The following ALDH1L1 variants were observed in gnomAD, a reference collection of about 807,000 sequenced individuals.
The protein encoded by ALDH1L1 is aldehyde dehydrogenase 1 family member L1.
A neutral mutation model predicts 101.1 loss-of-function variants in ALDH1L1; 68 were observed. The ratio of observed to expected loss-of-function variants is 0.67; its 90% CI spans 0.55 to 0.82. ALDH1L1 has a LOEUF of 0.82. Ranked by LOEUF, ALDH1L1 falls within the 40% of genes least tolerant of loss-of-function variation. ALDH1L1 has a pLI of 0.00. For synonymous variants in ALDH1L1, 486 were observed against 470.8 expected (o/e 1.03, Z -0.42); for missense variants, 1,087 against 1,172.7 (o/e 0.93, Z 1.07).
At chr3:126,184,844 C>T (rs376867659), upstream of ALDH1L1, among the ~76,000 whole-genome samples, 4 of 152,126 alleles carry the variant, frequency 2.6e-5, no homozygotes, top group Admixed American at 2.0e-4. Flanking sequence ...GAAATCAAAG[C>T]GGGGAGGCCA....
exon 1 of ALDH1L1, chr3:126,197,945 C>CAA (rs3047863): frequency 0.093 from 13,276 of 142,506 alleles, 773 homozygotes; most frequent in East Asian, 0.19. Flanking sequence ...AATTTATAGA[C>CAA]AAAAAAAAAA....
chr3:126,179,015 G>A (rs1274984338), intron 1 of ALDH1L1, among the ~76,000 whole-genome samples: 1 of 152,162 alleles, frequency 6.6e-6, no homozygotes, highest in East Asian at 1.9e-4. Flanking sequence ...AGGGGCTGTT[G>A]TCACAGTCCA....
At chr3:126,178,102 C>T (rs1401592375) in intron 1 of ALDH1L1, among the ~76,000 whole-genome samples, 3 of 151,790 alleles carry the variant, frequency 2.0e-5, no homozygotes, top group Non-Finnish European at 2.9e-5. Context: ...ATAGGGGAGG[C>T]CAGGCCTAGT....
At chr3:126,147,161 T>C (rs1308723752) in intron 8 of ALDH1L1, among the ~76,000 whole-genome samples, 1 of 152,190 alleles carries the variant, frequency 6.6e-6, no homozygotes, top group Non-Finnish European at 1.5e-5. Context: ...GCTGTCCTCA[T>C]GCCCACCTCA....
intron 14 of ALDH1L1, chr3:126,130,010 C>T: frequency 2.4e-6 from 1 of 420,666 alleles, no homozygotes; most frequent in Admixed American, 4.4e-5. Context: ...CACCGTGGAC[C>T]TGACTGATCC....
chr3:126,161,370 A>G (rs1395429618), intron 1 of ALDH1L1, among the ~76,000 whole-genome samples: 1 of 152,238 alleles, frequency 6.6e-6, no homozygotes, highest in Non-Finnish European at 1.5e-5. Flanking sequence ...GGCCTTGGTC[A>G]AGTCACACTT....
intron 20 of ALDH1L1, 88 bp from the exon 21 acceptor site, chr3:126,107,334 G>T: frequency 1.9e-6 from 2 of 1,060,536 alleles, no homozygotes; most frequent in Non-Finnish European, 2.9e-6. Context: ...GGCCACACCA[G>T]CCACCTGCGG....
chr3:126,157,262 C>G (rs1576470171), intron 4 of ALDH1L1, 81 bp downstream of exon 4: 1 of 1,483,888 alleles, frequency 6.7e-7, no homozygotes, highest in South Asian at 1.4e-5. Context: ...TCCTGGCCTC[C>G]AGGAGCGGTG....
chr3:126,111,194 C>T (rs1010888989), intron 19 of ALDH1L1, among the ~76,000 whole-genome samples: 3 of 152,380 alleles, frequency 2.0e-5, no homozygotes, highest in Admixed American at 1.3e-4. Flanking sequence ...CCTCCCATCA[C>T]GTGGTAGAGT....
rs761754790 is a variant in ALDH1L1 at position 126,131,544 on chromosome 3, G to A, written c.1473-10C>T. ...CATGAGATCTGCCAACCTGACCAGG[G>A]TGAGGGGAAGCGGGAGGTGGGCTCA... On this transcript the variant is annotated splice_polypyrimidine_tract_variant and intron_variant, in intron 12 of 22. Transcript: ENST00000393434. The A allele has an allele frequency of 6.3e-7, 1 of 1,597,710 alleles. No homozygotes were observed. Among genetic ancestry groups the A allele is most frequent in the Non-Finnish European group, 8.6e-7 (1 of 1,166,864 alleles).
intron 13 of ALDH1L1, among the ~76,000 whole-genome samples, chr3:126,131,008 G>A (rs57147586): frequency 1.6e-3 from 249 of 152,336 alleles, no homozygotes; most frequent in African/African-American, 5.7e-3. Flanking sequence ...ACCTGCTGCC[G>A]CTGGGAGATA....
At chr3:126,161,201 TC>T (rs2081043178) in intron 1 of ALDH1L1, among the ~76,000 whole-genome samples, 199 bp from the exon 2 acceptor site, 1 of 152,188 alleles carries the variant, frequency 6.6e-6, no homozygotes, top group South Asian at 2.1e-4. Context: ...ACCCAATGGA[TC>T]CCTAATGTCA....
rs1559911728 is a variant in ALDH1L1, at chr3:126,107,246, C to T, written c.2348G>A (p.Gly783Glu). ...VCGGNQVPRP[G>E]FFFEPTVFTD... Reference sequence around the variant, plus strand: ...GAAAACAGTTGGCTCAAAGAAGAACCCTGCAAGAGAGATAAAAGCCCGTTG... The same window carrying T: ...GAAAACAGTTGGCTCAAAGAAGAACTCTGCAAGAGAGATAAAAGCCCGTTG... Residue 783 changes from glycine to glutamate, a missense_variant and splice_region_variant, in exon 21 of 23, where the codon GGG becomes GAG. Coordinates refer to ENST00000393434, the MANE Select transcript of ALDH1L1 (RefSeq NM_012190.4). 5.6e-6 allele frequency: 9 copies of T among 1,613,282 alleles called. No homozygotes were observed. Among genetic ancestry groups the T allele is most frequent in the Non-Finnish European group, 7.6e-6 (9 of 1,179,474 alleles).
chr3:126,196,024 A>G (rs1409962538), intron 1 of ALDH1L1, among the ~76,000 whole-genome samples: 4 of 152,188 alleles, frequency 2.6e-5, no homozygotes, highest in African/African-American at 9.6e-5. Context: ...TGACGAGTTA[A>G]TGGGTGCAGC....
At chr3:126,133,439 C>T (rs2080355886) in intron 12 of ALDH1L1, among the ~76,000 whole-genome samples, 2 of 152,230 alleles carry the variant, frequency 1.3e-5, no homozygotes, top group South Asian at 4.1e-4. Flanking sequence ...CCATGCCTCC[C>T]CTGCTCACAT....
chr3:126,137,847 C>T lies in ALDH1L1; in HGVS notation c.1190G>A (p.Gly397Glu). 2 of 1,614,204 alleles carry T rather than the reference C, an allele frequency of 1.2e-6. No individual in the cohort carries two copies. Among genetic ancestry groups the T allele is most frequent in the Non-Finnish European group, 1.7e-6 (2 of 1,180,024 alleles). Residue 397 changes from glycine to glutamate, a missense_variant, in exon 10 of 23, where the codon GGG (glycine) becomes GAG (glutamate). Physicochemically the swap from Gly to Glu is moderately conservative, Grantham distance 98. Coordinates refer to ENST00000393434, the MANE Select transcript of ALDH1L1 (RefSeq NM_012190.4). The stretch of plus-strand genomic sequence containing the variant: ...GCTGCACTCGCCCTCCTCATCGTCC[C>T]CTCGCAGCTTCCTCACTAACAGCTG... The part of the protein sequence containing the change: ...FIQLLVRKLR[G>E]DDEEGECSID...
At chr3:126,170,539 A>G (rs185187195) in intron 1 of ALDH1L1, among the ~76,000 whole-genome samples, 474 of 152,232 alleles carry the variant, frequency 3.1e-3, no homozygotes, top group African/African-American at 0.011. Flanking sequence ...TTTATCAAAA[A>G]TTTTTAACCG....
intron 1 of ALDH1L1, among the ~76,000 whole-genome samples, chr3:126,174,189 C>T (rs974453559): frequency 5.3e-5 from 8 of 151,562 alleles, no homozygotes; most frequent in Non-Finnish European, 1.2e-4. Flanking sequence ...CAGGCATGCA[C>T]CACCACGTCC....
At chr3:126,111,332 CTG>C (rs1946070514) in intron 19 of ALDH1L1, among the ~76,000 whole-genome samples, 2 of 152,282 alleles carry the variant, frequency 1.3e-5, no homozygotes, top group South Asian at 2.1e-4. Flanking sequence ...AGTCTTTCCA[CTG>C]TCCACGTGAA....
Sources: gnomAD v4.1 joint callset for allele counts (sites outside exome capture counted in the v4.1 genomes callset) on GRCh38, gnomAD v4.1.1 for gene constraint, MANE v1.5 for transcripts, NCBI Gene and HGNC (gene_info 2026-07-23, HGNC 2026-07-21) for gene names.